GDA: variants seen among roughly 807,000 people sequenced by gnomAD.
GDA encodes cytoplasmic PSD-95 interactor.
In GDA, 18 loss-of-function variants were observed where a neutral mutation model predicts 59.6. The observed-to-expected ratio is 0.30, with a 90% CI of 0.21 to 0.45. The LOEUF is 0.45. GDA is among the 20% of genes least tolerant of loss of function. The pLI is 1.00. For synonymous variants in GDA, 201 were observed against 201.1 expected (o/e 1.00, Z 0.00); for missense variants, 427 against 552.3 (o/e 0.77, Z 2.27).
chr9:72,233,670 A>G (rs116837222), intron 10 of GDA, among the ~76,000 whole-genome samples: 29 of 152,272 alleles, frequency 1.9e-4, no homozygotes, highest in East Asian at 5.8e-4. Context: ...GCCCAGGTGC[A>G]GTGGCTCATA....
At chr9:72,200,302 CCTT>C (rs955856170) in intron 2 of GDA, among the ~76,000 whole-genome samples, 9 of 151,934 alleles carry the variant, frequency 5.9e-5, no homozygotes, top group Non-Finnish European at 1.2e-4. Flanking sequence ...AGCCTCCTCT[CCTT>C]CTTTTCTTCT....
chr9:72,159,265 G>T (rs952266001), intron 1 of GDA, among the ~76,000 whole-genome samples: 1 of 152,082 alleles, frequency 6.6e-6, no homozygotes, highest in Non-Finnish European at 1.5e-5. Context: ...ATGATGGCAG[G>T]TGCCTGTAAT....
intron 1 of GDA, among the ~76,000 whole-genome samples, chr9:72,158,420 CA>C (rs1429802706): frequency 6.6e-6 from 1 of 151,912 alleles, no homozygotes; most frequent in African/African-American, 2.4e-5. Context: ...GGTGAAACTC[CA>C]TCTCTACTAA....
At chr9:72,252,559 A>T (rs890200640), downstream of GDA, among the ~76,000 whole-genome samples, 5 of 152,218 alleles carry the variant, frequency 3.3e-5, no homozygotes, top group Admixed American at 3.3e-4. Flanking sequence ...GTGCATGTGT[A>T]TTTAAAACAA....
At chr9:72,217,505 A>G (rs959688094) in intron 5 of GDA, among the ~76,000 whole-genome samples, 10 of 152,318 alleles carry the variant, frequency 6.6e-5, no homozygotes, top group South Asian at 2.1e-4. Flanking sequence ...CATTCTTCCT[A>G]TTTGCCAAGG....
At chr9:72,177,801 C>T (rs1345186801) in intron 1 of GDA, among the ~76,000 whole-genome samples, 3 of 152,202 alleles carry the variant, frequency 2.0e-5, no homozygotes, top group Non-Finnish European at 4.4e-5. Context: ...GGTATCATTT[C>T]CTTGGAGATA....
intron 1 of GDA, among the ~76,000 whole-genome samples, chr9:72,118,832 A>G (rs1825560495): frequency 6.6e-6 from 1 of 152,172 alleles, no homozygotes; most frequent in Non-Finnish European, 1.5e-5. Flanking sequence ...TTTCATTTTA[A>G]CATTGCATGA....
At chr9:72,201,814 T>G (rs1278069516) in intron 2 of GDA, among the ~76,000 whole-genome samples, 4 of 152,192 alleles carry the variant, frequency 2.6e-5, no homozygotes. Flanking sequence ...TCTGAACACT[T>G]TCCAGGACTT....
At chr9:72,184,121 C>T (rs890015905) in intron 1 of GDA, among the ~76,000 whole-genome samples, 1 of 152,122 alleles carries the variant, frequency 6.6e-6, no homozygotes, top group African/African-American at 2.4e-5. Context: ...CCATGTATCC[C>T]CTGCCGGGAC....
chr9:72,138,398 G>C (rs1826321382), intron 1 of GDA, among the ~76,000 whole-genome samples: 1 of 152,150 alleles, frequency 6.6e-6, no homozygotes, highest in South Asian at 2.1e-4. Flanking sequence ...GCTCTCTCAG[G>C]GAGCAGAACC....
intron 4 of GDA, among the ~76,000 whole-genome samples, chr9:72,213,524 C>G (rs1415642069): frequency 2.6e-5 from 4 of 152,008 alleles, no homozygotes; most frequent in Non-Finnish European, 5.9e-5. Flanking sequence ...ACTGTTTTGG[C>G]CGGGCGCGGT....
chr9:72,239,657 G>A lies in GDA; in HGVS notation c.989-1495G>A, dbSNP rs549296451. Among the ~76,000 whole-genome samples, 3 of 152,214 alleles carry A rather than the reference G, an allele frequency of 2.0e-5. No individual in the cohort carries two copies. In the East Asian group the frequency reaches 5.8e-4, roughly 29 times the overall value. On this transcript the variant is annotated intron_variant, in intron 10 of 13. Transcript: ENST00000358399. Reference sequence around the variant, plus strand: ...TTTAGCAATAAAGAAGGAAGCAGCAGACAGACTATTTCAAAGCTTAATGTG... The same window carrying A: ...TTTAGCAATAAAGAAGGAAGCAGCAAACAGACTATTTCAAAGCTTAATGTG...
chr9:72,250,564 G>T lies in GDA; in HGVS notation c.*2222G>T. On this transcript the variant is annotated 3_prime_UTR_variant, in exon 14 of 14. Transcript: ENST00000358399. ...TGTGTTTTATTTCTCCAAGTGCGGT[G>T]TTCCTGAATGTTATGTATGCTTTTT... The T allele has an allele frequency of 6.8e-7, 1 of 1,460,130 alleles. No individual in the cohort carries two copies. Among genetic ancestry groups the T allele is most frequent in the East Asian group, 2.5e-5 (1 of 40,138 alleles). The allele number at this position is 1,460,130 out of a possible 1,614,324, so 90.4% of individuals were successfully genotyped here. A position where few individuals can be genotyped will look rare whatever the true frequency, so the allele number is the denominator to read the frequency against.
chr9:72,149,786 A>C, intron 1 of GDA, 104 bp downstream of exon 1: 1 of 1,197,530 alleles, frequency 8.4e-7, no homozygotes, highest in Non-Finnish European at 1.1e-6. Context: ...GTGCGCAGTG[A>C]GCGCCGCGGC....
At chr9:72,167,793 T>G (rs370506999) in intron 1 of GDA, among the ~76,000 whole-genome samples, 6 of 152,214 alleles carry the variant, frequency 3.9e-5, no homozygotes, top group Non-Finnish European at 7.3e-5. Context: ...AATACCTCAG[T>G]GTAATGTCTT....
chr9:72,118,005 G>T (rs11143120), intron 1 of GDA, among the ~76,000 whole-genome samples: 23,818 of 151,974 alleles, frequency 0.16, 2,466 homozygotes, highest in East Asian at 0.51. Context: ...AGGCGCGGTG[G>T]CTCACGCCTG....
chr9:72,159,959 C>T (rs925000555), intron 1 of GDA, among the ~76,000 whole-genome samples: 1 of 152,004 alleles, frequency 6.6e-6, no homozygotes, highest in African/African-American at 2.4e-5. Context: ...TTATTGTATT[C>T]AGAATATTGT....
chr9:72,236,258 G>C (rs1838976343), intron 10 of GDA, among the ~76,000 whole-genome samples: 1 of 152,154 alleles, frequency 6.6e-6, no homozygotes, highest in African/African-American at 2.4e-5. Context: ...GGTTGCTGGA[G>C]AAAATCCTCC....
At chr9:72,118,187 G>A (rs1825526862) in intron 1 of GDA, among the ~76,000 whole-genome samples, 1 of 145,526 alleles carries the variant, frequency 6.9e-6, no homozygotes, top group South Asian at 2.2e-4. Context: ...CAGGAGAATG[G>A]CGTGAACCCG....
Sources: gnomAD v4.1 joint callset for allele counts (sites outside exome capture counted in the v4.1 genomes callset) on GRCh38, gnomAD v4.1.1 for gene constraint, MANE v1.5 for transcripts, NCBI Gene and HGNC (gene_info 2026-07-23, HGNC 2026-07-21) for gene names.